The following PCSK2 variants were observed in gnomAD, a reference collection of about 807,000 sequenced individuals.
The protein encoded by PCSK2 is neuroendocrine convertase 2.
Under a neutral mutation model 69.7 loss-of-function variants are expected in PCSK2, and 14 were observed. The observed-to-expected ratio is 0.20, with a 90% CI of 0.13 to 0.31. The LOEUF (loss-of-function observed/expected upper bound fraction) is 0.31. Among genes scored for constraint, PCSK2 ranks in the 10% least tolerant of loss-of-function variants. PCSK2 has a pLI of 1.00. For missense variants in PCSK2, 544 were observed against 842.5 expected (o/e 0.65, Z 4.39); for synonymous variants, 307 against 320.7 (o/e 0.96, Z 0.46).
chr20:17,462,468 A>T (rs2033029415), intron 10 of PCSK2, among the ~76,000 whole-genome samples: 1 of 152,344 alleles, frequency 6.6e-6, no homozygotes, highest in South Asian at 2.1e-4. Context: ...GTCCTGACAC[A>T]GGGGGATTGA....
At chr20:17,442,115 C>T (rs2032610776) in intron 8 of PCSK2, among the ~76,000 whole-genome samples, 1 of 151,546 alleles carries the variant, frequency 6.6e-6, no homozygotes, top group Non-Finnish European at 1.5e-5. Context: ...GATGCATCTA[C>T]AAGCCCAGGA....
intron 8 of PCSK2, among the ~76,000 whole-genome samples, chr20:17,447,394 A>G (rs1023477138): frequency 1.3e-5 from 2 of 152,236 alleles, no homozygotes; most frequent in Admixed American, 1.3e-4. Flanking sequence ...AAAAAGATAA[A>G]TTCAACTTTA....
rs375496289 is a variant in PCSK2 at position 17,323,552 on chromosome 20, T to A, written c.283-34775T>A. On this transcript the variant is annotated intron_variant, in intron 2 of 11. Coordinates refer to ENST00000262545, the MANE Select transcript of PCSK2 (RefSeq NM_002594.5). ...ACCCAAGATTACAAAGCTATTAATG[T>A]GGAGCCAGGGTTCTAACTTCAGTCT... Among the ~76,000 whole-genome samples the A allele has an allele frequency of 6.6e-5, 10 of 152,334 alleles. No individual in the cohort carries two copies. In the South Asian group the frequency reaches 2.1e-3, roughly 32 times the overall value.
intron 2 of PCSK2, among the ~76,000 whole-genome samples, chr20:17,286,473 T>A (rs1988514864): frequency 6.6e-6 from 1 of 152,210 alleles, no homozygotes; most frequent in Non-Finnish European, 1.5e-5. Flanking sequence ...TTGTTTTTTT[T>A]AGGAAATTAA....
At chr20:17,371,616 C>T (rs1377518500) in intron 5 of PCSK2, among the ~76,000 whole-genome samples, 2 of 152,036 alleles carry the variant, frequency 1.3e-5, no homozygotes, top group Non-Finnish European at 2.9e-5. Context: ...CATAATACCA[C>T]CATTCTTATT....
At chr20:17,478,379 A>G (rs2033329188) in intron 11 of PCSK2, among the ~76,000 whole-genome samples, 1 of 152,192 alleles carries the variant, frequency 6.6e-6, no homozygotes, top group African/African-American at 2.4e-5. Context: ...TCCACATGGA[A>G]TGAATTGTAA....
chr20:17,347,964 AAGAAAG>A (rs1990726029), intron 2 of PCSK2, among the ~76,000 whole-genome samples: 1 of 22,934 alleles, frequency 4.4e-5, no homozygotes, highest in African/African-American at 8.3e-5. Context: ...AAGAAAGAGA[AAGAAAG>A]AAAGAAAGAA....
intron 6 of PCSK2, among the ~76,000 whole-genome samples, chr20:17,413,156 G>T (rs60315018): frequency 6.6e-6 from 1 of 152,124 alleles, no homozygotes; most frequent in South Asian, 2.1e-4. Context: ...ACATCATAAT[G>T]ACAGAATCAA....
intron 8 of PCSK2, among the ~76,000 whole-genome samples, chr20:17,446,721 G>A (rs1227020214): frequency 1.3e-5 from 2 of 152,188 alleles, no homozygotes; most frequent in Non-Finnish European, 2.9e-5. Context: ...CATGAACTAC[G>A]AGTGCAGAAA....
At chr20:17,268,059 A>ATATATATATATATG (rs1987700259) in intron 2 of PCSK2, among the ~76,000 whole-genome samples, 1 of 144,124 alleles carries the variant, frequency 6.9e-6, no homozygotes, top group Non-Finnish European at 1.5e-5. Flanking sequence ...ATATATATAT[A>ATATATATATATATG]TATAATGCAT....
intron 2 of PCSK2, among the ~76,000 whole-genome samples, chr20:17,263,948 CA>C (rs916615802): frequency 2.1e-4 from 32 of 152,100 alleles, no homozygotes; most frequent in African/African-American, 7.7e-4. Flanking sequence ...ATTTTATGCC[CA>C]AAAGCTCTGT....
chr20:17,476,254 CTGT>C (rs1298769427), intron 11 of PCSK2, among the ~76,000 whole-genome samples: 5 of 152,190 alleles, frequency 3.3e-5, no homozygotes, highest in Non-Finnish European at 7.3e-5. Context: ...GACTCTCTGC[CTGT>C]TGTTGTTGTT....
At chr20:17,340,867 C>T (rs1990491240) in intron 2 of PCSK2, among the ~76,000 whole-genome samples, 2 of 152,208 alleles carry the variant, frequency 1.3e-5, no homozygotes, top group Admixed American at 1.3e-4. Flanking sequence ...ACCAGACTCA[C>T]TGCTGGGTTG....
chr20:17,252,956 A>G (rs1256676135), intron 1 of PCSK2, among the ~76,000 whole-genome samples: 1 of 152,242 alleles, frequency 6.6e-6, no homozygotes, highest in Non-Finnish European at 1.5e-5. Context: ...ATCATTAATA[A>G]ATGTCAATCC....
chr20:17,432,860 T>C (rs2032396902), intron 7 of PCSK2, among the ~76,000 whole-genome samples: 1 of 152,114 alleles, frequency 6.6e-6, no homozygotes, highest in Non-Finnish European at 1.5e-5. Context: ...GGCGGACAGG[T>C]CCCCTGCCCC....
chr20:17,252,956 A>T (rs1256676135), intron 1 of PCSK2, among the ~76,000 whole-genome samples: 1 of 152,242 alleles, frequency 6.6e-6, no homozygotes, highest in Non-Finnish European at 1.5e-5. Context: ...ATCATTAATA[A>T]ATGTCAATCC....
chr20:17,426,934 C>A (rs1419877809), intron 6 of PCSK2, among the ~76,000 whole-genome samples: 4 of 152,146 alleles, frequency 2.6e-5, no homozygotes, highest in African/African-American at 9.7e-5. Context: ...CGTGGCCCAG[C>A]CATATTGACA....
At chr20:17,476,183 G>C (rs909800691) in intron 11 of PCSK2, among the ~76,000 whole-genome samples, 2 of 152,282 alleles carry the variant, frequency 1.3e-5, no homozygotes, top group South Asian at 2.1e-4. Context: ...TTCCCCAACT[G>C]CTTTTCCTAG....
At chr20:17,438,586 C>A (rs2123354898) in intron 8 of PCSK2, among the ~76,000 whole-genome samples, 1 of 152,336 alleles carries the variant, frequency 6.6e-6, no homozygotes, top group African/African-American at 2.4e-5. Flanking sequence ...ACATCGAAAT[C>A]TATGACTACA....
Sources: allele counts gnomAD v4.1 joint callset (sites outside exome capture counted in the v4.1 genomes callset), GRCh38; gene constraint gnomAD v4.1.1; transcripts MANE v1.5; gene names NCBI Gene and HGNC (gene_info 2026-07-23, HGNC 2026-07-21).